DLG2: variants seen among roughly 807,000 people sequenced by gnomAD.
The protein encoded by DLG2 is disks large homolog 2.
DLG2 carries 45 observed loss-of-function variants against 132.5 expected under a neutral mutation model. The ratio of observed to expected loss-of-function variants is 0.34; its 90% CI spans 0.27 to 0.44. The LOEUF (loss-of-function observed/expected upper bound fraction) is 0.44, where lower values mean the gene tolerates loss of function less well. Among genes scored for constraint, DLG2 ranks in the 20% least tolerant of loss-of-function variants. The probability of loss-of-function intolerance (pLI) is 1.00; values close to 1 mark genes in which losing one functional copy is unlikely to be tolerated. For missense variants in DLG2, 1,045 were observed against 1,196.9 expected (o/e 0.87, Z 1.87); for synonymous variants, 424 against 419.6 (o/e 1.01, Z -0.13).
chr11:85,483,614 C>T (rs915349008), intron 3 of DLG2, among the ~76,000 whole-genome samples: 3 of 152,118 alleles, frequency 2.0e-5, no homozygotes, highest in Admixed American at 6.5e-5. Context: ...ATGTAAATCA[C>T]TTATAACTTT....
chr11:85,585,696 G>A (rs1165831211), intron 3 of DLG2, among the ~76,000 whole-genome samples: 1 of 150,344 alleles, frequency 6.7e-6, no homozygotes, highest in Non-Finnish European at 1.5e-5. Context: ...TTTTAATTCT[G>A]TTTATGTGAT....
chr11:84,329,207 T>C (rs2098447312), intron 7 of DLG2, among the ~76,000 whole-genome samples: 3 of 152,222 alleles, frequency 2.0e-5, no homozygotes, highest in Admixed American at 6.5e-5. Context: ...ACTCTTTCTT[T>C]CCCATTATTT....
chr11:84,782,715 T>C lies in DLG2; in HGVS notation c.358-247984A>G, dbSNP rs2072054393. Reference sequence around the variant, plus strand: ...ATATCTATTACATGGAGGAGTGGGATAGGGATGGCTCTATCATAAAAAACA... The same window carrying C: ...ATATCTATTACATGGAGGAGTGGGACAGGGATGGCTCTATCATAAAAAACA... On this transcript the variant is annotated intron_variant, in intron 6 of 27. Coordinates refer to ENST00000376104, the MANE Select transcript of DLG2 (RefSeq NM_001142699.3). Among the ~76,000 whole-genome samples the C allele has an allele frequency of 2.0e-5, 3 of 152,192 alleles. No homozygotes were observed. In the South Asian group the frequency reaches 6.2e-4, roughly 32 times the overall value.
intron 6 of DLG2, among the ~76,000 whole-genome samples, chr11:85,046,915 G>C (rs12289015): frequency 6.6e-6 from 1 of 151,660 alleles, no homozygotes; most frequent in Non-Finnish European, 1.5e-5. Context: ...GATGCACTGA[G>C]ATGCTCTGCA....
At chr11:84,382,599 T>C (rs962800975) in intron 7 of DLG2, among the ~76,000 whole-genome samples, 1 of 152,072 alleles carries the variant, frequency 6.6e-6, no homozygotes, top group Non-Finnish European at 1.5e-5. Flanking sequence ...TAGATGAGAG[T>C]ATTTGTCTCA....
intron 10 of DLG2, among the ~76,000 whole-genome samples, chr11:84,095,695 T>C (rs966397376): frequency 2.6e-5 from 4 of 152,312 alleles, no homozygotes; most frequent in African/African-American, 7.2e-5. Context: ...GTCACTCCTC[T>C]GAGCTGCAGA....
chr11:85,126,718 A>G (rs992635466), intron 5 of DLG2, among the ~76,000 whole-genome samples: 1 of 152,226 alleles, frequency 6.6e-6, no homozygotes, highest in Non-Finnish European at 1.5e-5. Flanking sequence ...GGCAGGATAA[A>G]TACAAGAAGT....
intron 3 of DLG2, among the ~76,000 whole-genome samples, chr11:85,452,025 G>A (rs2153043785): frequency 6.6e-6 from 1 of 151,714 alleles, no homozygotes; most frequent in East Asian, 1.9e-4. Context: ...TGAAAGCCAA[G>A]AAAATATCAA....
At chr11:84,143,280 C>T (rs965557823) in intron 9 of DLG2, among the ~76,000 whole-genome samples, 2 of 152,022 alleles carry the variant, frequency 1.3e-5, no homozygotes, top group East Asian at 3.9e-4. Context: ...TTTGACAAGG[C>T]TTTTCAGGGG....
chr11:84,977,026 C>T (rs1052459952), intron 6 of DLG2, among the ~76,000 whole-genome samples: 17 of 152,218 alleles, frequency 1.1e-4, no homozygotes, highest in African/African-American at 3.9e-4. Context: ...TATGCTATTG[C>T]TTGCTTACCC....
chr11:85,101,963 G>T (rs2070917328), intron 6 of DLG2, among the ~76,000 whole-genome samples: 1 of 151,948 alleles, frequency 6.6e-6, no homozygotes, highest in Non-Finnish European at 1.5e-5. Flanking sequence ...GATGAGATTA[G>T]CAGTTCCAAC....
chr11:85,204,178 C>T (rs2081683229), intron 4 of DLG2, among the ~76,000 whole-genome samples: 1 of 152,056 alleles, frequency 6.6e-6, no homozygotes, highest in Admixed American at 6.6e-5. Flanking sequence ...AGTAGACGTC[C>T]TAACCAGAGC....
chr11:84,755,825 G>A (rs1421312845), intron 6 of DLG2, among the ~76,000 whole-genome samples: 1 of 152,180 alleles, frequency 6.6e-6, no homozygotes, highest in East Asian at 1.9e-4. Context: ...ATATGCTAGG[G>A]TGAAAATAAA....
At chr11:83,748,648 A>G (rs1454651587) in intron 18 of DLG2, among the ~76,000 whole-genome samples, 2 of 152,228 alleles carry the variant, frequency 1.3e-5, no homozygotes, top group African/African-American at 4.8e-5. Context: ...GGCTTCACTA[A>G]GAAGACAATG....
At chr11:83,544,830 G>T (rs940818327) in intron 19 of DLG2, among the ~76,000 whole-genome samples, 17 of 152,226 alleles carry the variant, frequency 1.1e-4, no homozygotes, top group African/African-American at 3.8e-4. Flanking sequence ...TATAAAATGA[G>T]GTGTATCTGA....
At chr11:85,376,207 T>C (rs991392708) in intron 3 of DLG2, among the ~76,000 whole-genome samples, 3 of 152,198 alleles carry the variant, frequency 2.0e-5, no homozygotes, top group Non-Finnish European at 4.4e-5. Flanking sequence ...ATGCAAATTG[T>C]TATAGGAATA....
At chr11:84,504,517 A>G (rs2099232634) in intron 7 of DLG2, among the ~76,000 whole-genome samples, 1 of 152,184 alleles carries the variant, frequency 6.6e-6, no homozygotes, top group African/African-American at 2.4e-5. Context: ...TTTAAGCCCT[A>G]CTTCAAAGAT....
intron 19 of DLG2, among the ~76,000 whole-genome samples, chr11:83,542,392 G>A (rs997269515): frequency 7.2e-5 from 11 of 151,954 alleles, no homozygotes; most frequent in African/African-American, 2.7e-4. Flanking sequence ...ATGAAATATT[G>A]GACCACCACT....
chr11:84,862,880 C>T (rs369025346), intron 6 of DLG2, among the ~76,000 whole-genome samples: 5 of 148,924 alleles, frequency 3.4e-5, no homozygotes, highest in East Asian at 2.0e-4. Context: ...ATGTACGTGA[C>T]GGGTTGACAG....
Sources: gnomAD v4.1 joint callset for allele counts (sites outside exome capture counted in the v4.1 genomes callset) on GRCh38, gnomAD v4.1.1 for gene constraint, MANE v1.5 for transcripts, NCBI Gene and HGNC (gene_info 2026-07-23, HGNC 2026-07-21) for gene names.